Variants in RAD52 observed in about 807,000 individuals in gnomAD.
RAD52 encodes RAD52 DNA repair protein, also known as DNA repair protein RAD52 homolog.
In RAD52, 47 loss-of-function variants were observed where a neutral mutation model predicts 55.5. The ratio of observed to expected loss-of-function variants is 0.85; its 90% CI spans 0.67 to 1.08. The LOEUF (loss-of-function observed/expected upper bound fraction) is 1.08. Among genes scored for constraint, RAD52 ranks in the 50% least tolerant of loss-of-function variants. RAD52 has a pLI of 0.00. For synonymous variants in RAD52, 184 were observed against 198.9 expected (o/e 0.92, Z 0.63); for missense variants, 468 against 522.8 (o/e 0.90, Z 1.02).
chr12:950,559 G>A (rs1391300580), upstream of RAD52, among the ~76,000 whole-genome samples: 4 of 139,622 alleles, frequency 2.9e-5, no homozygotes, highest in Non-Finnish European at 4.7e-5. Flanking sequence ...GCGACAGAGC[G>A]AGGCTCCGTC....
chr12:916,228 CCCAGCGAG>C, intron 9 of RAD52, 108 bp downstream of exon 9: 16 of 1,500,292 alleles, frequency 1.1e-5, no homozygotes, highest in Admixed American at 4.9e-5. Context: ...TGAGAGAAGT[CCCAGCGAG>C]GCCTGGTTTG....
Position 931,244 on chromosome 12 carries a change from G to A in RAD52, c.162C>T (p.Ser54=), listed in dbSNP as rs146108101. 1.0e-3 allele frequency: 1,676 copies of A among 1,612,524 alleles called. 13 individuals carry two copies. Among genetic ancestry groups the A allele is most frequent in the South Asian group, 5.7e-3 (520 of 90,956 alleles). Residue 54 remains serine (S), a synonymous_variant, in exon 3 of 12, where the codon AGC becomes AGT. Coordinates refer to ENST00000358495, the MANE Select transcript of RAD52 (RefSeq NM_134424.4). ...RQRLGPEYIS[S]RMAGGGQKVC... ...CCTTCTGGCCTCCGCCAGCCATGCG[G>A]CTACTTATGTATTCTGGGCCCAGCC...
chr12:989,484 C>A (rs1054904319), intron 1 of RAD52, among the ~76,000 whole-genome samples: 3 of 152,032 alleles, frequency 2.0e-5, no homozygotes, highest in Non-Finnish European at 4.4e-5. Flanking sequence ...TAGCTTTAAT[C>A]AAAAATCCTA....
chr12:935,296 C>T (rs973249828), intron 1 of RAD52, among the ~76,000 whole-genome samples: 1 of 151,498 alleles, frequency 6.6e-6, no homozygotes, highest in Non-Finnish European at 1.5e-5. Context: ...AAATGAAGAG[C>T]AGGAGGCCCC....
intron 1 of RAD52, among the ~76,000 whole-genome samples, chr12:982,513 C>G (rs781264459): frequency 6.6e-6 from 1 of 152,162 alleles, no homozygotes; most frequent in Non-Finnish European, 1.5e-5. Context: ...AACACTAGAA[C>G]ACCATTTGGC....
intron 1 of RAD52, among the ~76,000 whole-genome samples, chr12:987,601 C>T (rs1959103325): frequency 6.6e-6 from 1 of 150,846 alleles, no homozygotes; most frequent in African/African-American, 2.4e-5. Context: ...GGCTCTGTTG[C>T]CCAGGCTGGA....
intron 1 of RAD52, among the ~76,000 whole-genome samples, chr12:982,797 G>A (rs1293908304): frequency 2.6e-5 from 2 of 78,066 alleles, no homozygotes; most frequent in African/African-American, 1.0e-4. Context: ...CCACACCCCC[G>A]CCCGCCCCTG....
At position 916,466 on chromosome 12, in the gene RAD52, G is replaced by T. The variant is rs751662599; in HGVS notation, c.743C>A (p.Ala248Asp). The change falls in exon 9 of 12, where the codon GCC becomes GAC. Residue 248 changes from alanine (A) to aspartate (D), a missense_variant. Ala to Asp is a moderately radical substitution (Grantham distance 126). Transcript: ENST00000358495. Reference protein sequence around the residue: ...DCSSRSLSSSAVESEATHQRK... With the variant: ...DCSSRSLSSSDVESEATHQRK... ...CTGGTGCGTGGCCTCGCTCTCCACGGCGGATGAGCTCAGGCTTCTGCATGA... is the reference window on the plus strand; with the variant it reads ...CTGGTGCGTGGCCTCGCTCTCCACGTCGGATGAGCTCAGGCTTCTGCATGA... 12 of 1,607,622 alleles carry T rather than the reference G, an allele frequency of 7.5e-6. No individual in the cohort carries two copies. In the South Asian group the frequency reaches 1.3e-4, roughly 18 times the overall value.
At position 922,203 on chromosome 12, in the gene RAD52, A is replaced by AAC. The variant is rs1555170829; in HGVS notation, c.543+3246_543+3247insGT. ...CATTAGGTTGGCTTAAAAAAAAAAA[A>AAC]AAAAAAAAAACCAAAAACTCAGAAA... On this transcript the variant is annotated intron_variant, in intron 7 of 11. Transcript: ENST00000358495. 1.7e-3 allele frequency among the ~76,000 whole-genome samples: 243 copies of AAC among 146,712 alleles called. 3 individuals carry two copies. The highest frequency in any genetic ancestry group is 4.4e-3 in the African/African-American group (179 of 40,636).
rs1956639985 is a variant in RAD52, at chr12:920,172, G to A, written c.544-3352C>T. On this transcript the variant is annotated intron_variant, in intron 7 of 11. Coordinates refer to ENST00000358495, the MANE Select transcript of RAD52 (RefSeq NM_134424.4). ...GCAAAGGATGCAGTGAGCCAAGATC[G>A]CACCACTGCACTCTAGCCTGGGCGG... Among the ~76,000 whole-genome samples, 2 of 108,544 alleles carry A rather than the reference G, an allele frequency of 1.8e-5. 1 individual carries two copies. The highest frequency in any genetic ancestry group is 7.9e-5 in the African/African-American group (2 of 25,390). 71.2% of individuals were successfully genotyped at this position (108,544 alleles called of 152,430 possible). A position where few individuals can be genotyped will look rare whatever the true frequency, so the allele number is the denominator to read the frequency against.
intron 1 of RAD52, among the ~76,000 whole-genome samples, chr12:977,895 T>TAGGGAAA (rs3077819): frequency 0.99 from 151,005 of 152,288 alleles, 74,869 homozygotes; most frequent in East Asian, 1. Flanking sequence ...GACATGGGTT[T>TAGGGAAA]AAGCCCTTGA....
At chr12:924,848 G>A (rs1956936908) in intron 7 of RAD52, among the ~76,000 whole-genome samples, 1 of 152,060 alleles carries the variant, frequency 6.6e-6, no homozygotes, top group African/African-American at 2.4e-5. Context: ...GCAGAGGGCT[G>A]TGTGCTTGCT....
At chr12:936,741 AG>A (rs1957655948) in intron 1 of RAD52, 1 of 152,128 alleles carries the variant, frequency 6.6e-6, no homozygotes, top group Non-Finnish European at 1.5e-5. Flanking sequence ...AAGGAGTTCA[AG>A]TGTTTTTTAT....
chr12:913,438 G>T lies in RAD52; in HGVS notation c.1210C>A (p.His404Asn). ...DQRTTGNWES[H>N]RKSQDMKKRK... ...TTCTTCATGTCCTGGCTCTTCCTATGAGATTCCCAGTTTCCTATGGAAGAC... is the reference window on the plus strand; with the variant it reads ...TTCTTCATGTCCTGGCTCTTCCTATTAGATTCCCAGTTTCCTATGGAAGAC... Residue 404 changes from histidine (H) to asparagine (N), a missense_variant, in exon 12 of 12, where the codon CAT (histidine) becomes AAT (asparagine). His to Asn is a moderately conservative substitution (Grantham distance 68). Transcript: ENST00000358495. 1 of 1,605,510 alleles carries T rather than the reference G, an allele frequency of 6.2e-7. No individual in the cohort carries two copies.
At chr12:936,610 G>A (rs778994272) in intron 1 of RAD52, among the ~76,000 whole-genome samples, 5 of 152,084 alleles carry the variant, frequency 3.3e-5, no homozygotes, top group East Asian at 1.9e-4. Context: ...CTCCCACTGC[G>A]GCCTCCAGAG....
intron 1 of RAD52, among the ~76,000 whole-genome samples, chr12:934,346 C>G (rs922691773): frequency 6.6e-6 from 1 of 151,264 alleles, no homozygotes; most frequent in Non-Finnish European, 1.5e-5. Flanking sequence ...GCCTGTAATT[C>G]CAGCTACTTG....
intron 10 of RAD52, 129 bp from the exon 11 acceptor site, chr12:914,250 C>A: frequency 7.8e-7 from 1 of 1,277,552 alleles, no homozygotes; most frequent in Non-Finnish European, 1.1e-6. Flanking sequence ...ATTTCTCTCC[C>A]CTCCCCCTAA....
rs200103636 is a variant in RAD52, at chr12:925,111, C to T, written c.543+339G>A. On this transcript the variant is annotated intron_variant, in intron 7 of 11. Transcript: ENST00000358495. ...GACTACAGGCGCCCACCACCTCGCC[C>T]GGCTAATTTTTTGTATTTTTAGTAG... 1.6e-4 allele frequency among the ~76,000 whole-genome samples: 25 copies of T among 152,058 alleles called. No individual in the cohort carries two copies. The East Asian group carries it at 3.7e-3, about 22-fold the overall frequency.
rs1159349507 is a variant in RAD52 at position 916,380 on chromosome 12, C to A, written c.829G>T (p.Val277Phe). The A allele has an allele frequency of 6.2e-7, 1 of 1,608,736 alleles. No homozygotes were observed. The highest frequency in any genetic ancestry group is 1.3e-5 in the African/African-American group (1 of 75,052). The part of the protein sequence containing the change: ...QFRERMEKQQ[V>F]RVSTPSAEKS... ...TCAGCTGACGGCGTGGAGACTCGAACCTGCTGCTTCTCCATCCGCTCCCGG... is the reference window on the plus strand; with the variant it reads ...TCAGCTGACGGCGTGGAGACTCGAAACTGCTGCTTCTCCATCCGCTCCCGG... The change falls in exon 9 of 12, where the codon GTT (valine) becomes TTT (phenylalanine). Residue 277 changes from valine (V) to phenylalanine (F), a missense_variant. Val to Phe is a conservative substitution (Grantham distance 50). Transcript: ENST00000358495.
Sources: allele counts gnomAD v4.1 joint callset (sites outside exome capture counted in the v4.1 genomes callset), GRCh38; gene constraint gnomAD v4.1.1; transcripts MANE v1.5; gene names NCBI Gene and HGNC (gene_info 2026-07-23, HGNC 2026-07-21).